The following PLCZ1 variants were observed in gnomAD, a reference collection of about 807,000 sequenced individuals.
PLCZ1 encodes the protein 1-phosphatidylinositol 4,5-bisphosphate phosphodiesterase zeta-1.
A neutral mutation model predicts 76.8 loss-of-function variants in PLCZ1; 64 were observed. The observed-to-expected ratio is 0.83, with a 90% CI of 0.68 to 1.03. The LOEUF (loss-of-function observed/expected upper bound fraction) is 1.03, where lower values mean the gene tolerates loss of function less well. Among genes scored for constraint, PLCZ1 ranks in the 50% least tolerant of loss-of-function variants. PLCZ1 has a pLI of 0.00. For synonymous variants in PLCZ1, 248 were observed against 230.8 expected (o/e 1.07, Z -0.68); for missense variants, 751 against 713.7 (o/e 1.05, Z -0.60).
chr12:18,691,847 G>C (rs1353710187), intron 12 of PLCZ1, among the ~76,000 whole-genome samples: 1 of 152,156 alleles, frequency 6.6e-6, no homozygotes, highest in African/African-American at 2.4e-5. Flanking sequence ...ACAAAAGCCA[G>C]CTACATACTT....
chr12:18,690,739 T>C (rs781063846), intron 12 of PLCZ1, among the ~76,000 whole-genome samples: 2 of 151,970 alleles, frequency 1.3e-5, no homozygotes, highest in Non-Finnish European at 2.9e-5. Context: ...TGAGTCAAAA[T>C]GAAATAGGCA....
intron 14 of PLCZ1, 61 bp from the exon 15 acceptor site, chr12:18,683,385 G>C: frequency 6.5e-7 from 1 of 1,544,574 alleles, no homozygotes; most frequent in Non-Finnish European, 8.9e-7. Context: ...GTCTCCAATA[G>C]CCTTGCTGAG....
At chr12:18,660,528 A>T in the PLCZ1 span, among the ~76,000 whole-genome samples, 1 of 152,112 alleles carries the variant, frequency 6.6e-6, no homozygotes, top group Middle Eastern at 3.2e-3. Context: ...AATTAAAAGC[A>T]ACCACATATA....
chr12:18,712,917 T>C lies in PLCZ1; in HGVS notation c.639A>G (p.Val213=). The change falls in exon 6 of 15, where the codon GTA becomes GTG. Residue 213 remains valine (V), a synonymous_variant. Coordinates refer to ENST00000266505, the MANE Select transcript of PLCZ1 (RefSeq NM_033123.4). ...TGCTTGTGAGTGTGTAGCCATGATA[T>C]ACAACAGGTTCATTTTGTGCTCCAT... ...CWDGAQNEPV[V]YHGYTLTSKL... 6.2e-7 allele frequency: 1 copy of C among 1,613,952 alleles called. No individual in the cohort carries two copies.
At chr12:18,693,278 G>A (rs1355416937) in intron 12 of PLCZ1, 7 of 1,518,366 alleles carry the variant, frequency 4.6e-6, no homozygotes, top group Non-Finnish European at 6.4e-6. Context: ...TGGATGACAT[G>A]GATCCCCTGG....
At chr12:18,676,453 G>A in the PLCZ1 span, among the ~76,000 whole-genome samples, 55 of 152,192 alleles carry the variant, frequency 3.6e-4, no homozygotes, top group African/African-American at 1.3e-3. Context: ...CAGTGAAAAT[G>A]CCTGCATTTG....
chr12:18,703,988 G>C (rs1956264129), intron 7 of PLCZ1, among the ~76,000 whole-genome samples: 1 of 152,136 alleles, frequency 6.6e-6, no homozygotes, highest in Non-Finnish European at 1.5e-5. Context: ...TCATCAAAAA[G>C]AAAGTTTATT....
At chr12:18,675,308 C>T in the PLCZ1 span, among the ~76,000 whole-genome samples, 1 of 152,152 alleles carries the variant, frequency 6.6e-6, no homozygotes, top group Non-Finnish European at 1.5e-5. Context: ...TTTCAAGCCA[C>T]TCTGTTTTGG....
At position 18,683,222 on chromosome 12, in the gene PLCZ1, T is replaced by C; in HGVS notation, c.*17A>G. 6.2e-7 allele frequency: 1 copy of C among 1,607,682 alleles called. No homozygotes were observed. On this transcript the variant is annotated 3_prime_UTR_variant, in exon 15 of 15. Coordinates refer to ENST00000266505, the MANE Select transcript of PLCZ1 (RefSeq NM_033123.4). Reference sequence around the variant, plus strand: ...ATTGCGATGCATAGCTAATGATATGTCATTTATCATTAGCTGTTATCTGAC... The same window carrying C: ...ATTGCGATGCATAGCTAATGATATGCCATTTATCATTAGCTGTTATCTGAC...
downstream of PLCZ1, among the ~76,000 whole-genome samples, chr12:18,680,049 C>T (rs1952273121): frequency 6.6e-6 from 1 of 151,934 alleles, no homozygotes; most frequent in Non-Finnish European, 1.5e-5. Flanking sequence ...CATAAGAACC[C>T]TTTGTTGGTA....
chr12:18,668,022 A>G, the PLCZ1 span, among the ~76,000 whole-genome samples: 1 of 152,226 alleles, frequency 6.6e-6, no homozygotes, highest in African/African-American at 2.4e-5. Context: ...CCTTTAGGAC[A>G]CTACCTAATA....
intron 6 of PLCZ1, among the ~76,000 whole-genome samples, chr12:18,710,402 AT>A (rs2137392548): frequency 6.6e-6 from 1 of 152,150 alleles, no homozygotes; most frequent in South Asian, 2.1e-4. Flanking sequence ...GGAGGCCAGA[AT>A]GGCCAAGTGA....
At chr12:18,727,482 G>A (rs1034523266) in intron 3 of PLCZ1, among the ~76,000 whole-genome samples, 12 of 152,164 alleles carry the variant, frequency 7.9e-5, no homozygotes, top group Admixed American at 5.9e-4. Flanking sequence ...AGTCTTCAGA[G>A]GTGAGAAGGA....
intron 10 of PLCZ1, 56 bp from the exon 11 acceptor site, chr12:18,696,322 C>CTATATAGATATATATATA (rs1954985513): frequency 4.0e-6 from 1 of 253,072 alleles, no homozygotes; most frequent in Non-Finnish European, 6.8e-6. Context: ...TAAAAAGCCA[C>CTATATAGATATATATATA]TATATATATA....
chr12:18,724,047 AAG>A (rs1958605821), intron 3 of PLCZ1, among the ~76,000 whole-genome samples: 1 of 152,074 alleles, frequency 6.6e-6, no homozygotes, highest in African/African-American at 2.4e-5. Context: ...TCCAATAAGA[AAG>A]AGTGGATTCG....
chr12:18,706,367 T>C (rs1446766300), intron 6 of PLCZ1, among the ~76,000 whole-genome samples: 2 of 152,014 alleles, frequency 1.3e-5, no homozygotes, highest in Non-Finnish European at 1.5e-5. Context: ...TATACAAATA[T>C]TTAGAGATTT....
At chr12:18,689,671 G>A (rs1288008098) in intron 12 of PLCZ1, among the ~76,000 whole-genome samples, 1 of 152,154 alleles carries the variant, frequency 6.6e-6, no homozygotes, top group Non-Finnish European at 1.5e-5. Flanking sequence ...CAACTCTGTT[G>A]TTACCCATTG....
chr12:18,693,596 G>A, intron 12 of PLCZ1: 1 of 1,582,522 alleles, frequency 6.3e-7, no homozygotes, highest in Non-Finnish European at 8.7e-7. Flanking sequence ...GTTTCGAGTT[G>A]CTGAAGAACG....
chr12:18,697,345 T>C (rs1955209414), intron 10 of PLCZ1, among the ~76,000 whole-genome samples: 1 of 152,188 alleles, frequency 6.6e-6, no homozygotes, highest in Non-Finnish European at 1.5e-5. Flanking sequence ...AAAGTTTATT[T>C]TGAAACCATG....
Sources: gnomAD v4.1 joint callset for allele counts (sites outside exome capture counted in the v4.1 genomes callset) on GRCh38, gnomAD v4.1.1 for gene constraint, MANE v1.5 for transcripts, NCBI Gene and HGNC (gene_info 2026-07-23, HGNC 2026-07-21) for gene names.